HIP1: variants seen among roughly 807,000 people sequenced by gnomAD.
HIP1 encodes huntingtin interacting protein 1.
In HIP1, 65 loss-of-function variants were observed where a neutral mutation model predicts 147.6. The observed-to-expected ratio is 0.44, with a 90% CI of 0.36 to 0.54. HIP1 has a LOEUF of 0.54. Among genes scored for constraint, HIP1 ranks in the 20% least tolerant of loss-of-function variants. The pLI, the probability that HIP1 is intolerant of heterozygous loss-of-function variation, is 0.00. For synonymous variants in HIP1, 479 were observed against 504.0 expected (o/e 0.95, Z 0.67); for missense variants, 1,061 against 1,299.6 (o/e 0.82, Z 2.82).
chr7:75,600,473 C>T (rs1483128366), intron 1 of HIP1, among the ~76,000 whole-genome samples: 2 of 152,150 alleles, frequency 1.3e-5, no homozygotes, highest in Non-Finnish European at 2.9e-5. Context: ...TGCACAAACA[C>T]AGAAAAGGGA....
chr7:75,673,024 T>TA (rs1554515534), intron 1 of HIP1, among the ~76,000 whole-genome samples: 113 of 27,182 alleles, frequency 4.2e-3, no homozygotes, highest in African/African-American at 0.023. Context: ...GTCCACCAAC[T>TA]TTTTTTTTTT....
rs181956272 is a variant in HIP1, at chr7:75,729,525, C to T, written c.120+9276G>A. The stretch of plus-strand genomic sequence containing the variant: ...AAGCGGCCGGGCGCAATGGCTCACG[C>T]CTGTATTCCCAGTACTTTGGGAGGC... On this transcript the variant is annotated intron_variant, in intron 1 of 30. Coordinates refer to ENST00000336926, the MANE Select transcript of HIP1 (RefSeq NM_005338.7). 2.4e-4 allele frequency among the ~76,000 whole-genome samples: 36 copies of T among 151,998 alleles called. 1 individual carries two copies. In the East Asian group the frequency reaches 5.4e-3, roughly 23 times the overall value.
intron 1 of HIP1, among the ~76,000 whole-genome samples, chr7:75,608,312 A>G (rs1797304369): frequency 1.3e-5 from 2 of 152,138 alleles, no homozygotes; most frequent in Admixed American, 1.3e-4. Flanking sequence ...GTCTCAAAAG[A>G]AAACAAAAAA....
In HIP1 at chr7:75,566,872, A is replaced by T. The variant is rs141835273; in HGVS notation, c.803+1327T>A. Among the ~76,000 whole-genome samples, 331 of 151,392 alleles carry T rather than the reference A, an allele frequency of 2.2e-3. 5 individuals carry two copies. The East Asian group carries it at 0.034, about 16-fold the overall frequency. ...CACAGTGACTCGCGCCGGTAATCCC[A>T]TCACTTTGGGAGGCAGATCACTTGA... On this transcript the variant is annotated intron_variant, in intron 9 of 30. Transcript: ENST00000336926.
chr7:75,621,654 A>G lies in HIP1; in HGVS notation c.121-22407T>C, dbSNP rs149781279. Among the ~76,000 whole-genome samples the G allele has an allele frequency of 3.7e-3, 561 of 152,318 alleles. 3 individuals are homozygous for G. Among genetic ancestry groups the G allele is most frequent in the Middle Eastern group, 0.01 (3 of 294 alleles). On this transcript the variant is annotated intron_variant, in intron 1 of 30. Coordinates refer to ENST00000336926, the MANE Select transcript of HIP1 (RefSeq NM_005338.7). Reference sequence around the variant, plus strand: ...AGACTGCAGGGACCAGTGTGGCTGCAGGGACCACAGTGAAGACTCTGCTGC... The same window carrying G: ...AGACTGCAGGGACCAGTGTGGCTGCGGGGACCACAGTGAAGACTCTGCTGC...
At chr7:75,606,038 G>A (rs1445328948) in intron 1 of HIP1, among the ~76,000 whole-genome samples, 11 of 151,822 alleles carry the variant, frequency 7.2e-5, no homozygotes, top group Admixed American at 3.9e-4. Flanking sequence ...AAATAGAGAC[G>A]GGGTCTCATT....
At chr7:75,690,233 T>C (rs781926998) in intron 1 of HIP1, among the ~76,000 whole-genome samples, 1 of 151,686 alleles carries the variant, frequency 6.6e-6, no homozygotes, top group African/African-American at 2.4e-5. Context: ...GGGTGGTGAT[T>C]GCACCACTGC....
chr7:75,614,278 C>T (rs1489771011), intron 1 of HIP1, among the ~76,000 whole-genome samples: 6 of 152,276 alleles, frequency 3.9e-5, no homozygotes, highest in African/African-American at 4.8e-5. Flanking sequence ...TGGGCTCAAG[C>T]GCTTTGGCTG....
At chr7:75,679,231 G>T (rs150752745) in intron 1 of HIP1, among the ~76,000 whole-genome samples, 6 of 152,240 alleles carry the variant, frequency 3.9e-5, no homozygotes, top group Middle Eastern at 6.8e-3. Flanking sequence ...TTGAGATGAG[G>T]TCTCGCCGTA....
At chr7:75,649,118 G>A (rs1584918787) in intron 1 of HIP1, among the ~76,000 whole-genome samples, 3 of 152,014 alleles carry the variant, frequency 2.0e-5, no homozygotes, top group South Asian at 2.1e-4. Flanking sequence ...TCCGCCTCCC[G>A]GGTTCAAGCA....
intron 1 of HIP1, among the ~76,000 whole-genome samples, chr7:75,604,826 GTGGTCA>G (rs1449190888): frequency 1.3e-5 from 2 of 152,100 alleles, no homozygotes; most frequent in African/African-American, 4.8e-5. Flanking sequence ...GCTCAAACTT[GTGGTCA>G]TTATGAACCT....
Position 75,613,975 on chromosome 7 carries a change from T to G in HIP1, c.121-14728A>C, listed in dbSNP as rs1797537529. Among the ~76,000 whole-genome samples, 3 of 151,514 alleles carry G rather than the reference T, an allele frequency of 2.0e-5. No individual in the cohort carries two copies. The South Asian group carries it at 6.2e-4, about 31-fold the overall frequency. ...TGTTGCCCAGGCTGGAGTACAATGG[T>G]GCAAACATGGCTCACTACAACCTTA... On this transcript the variant is annotated intron_variant, in intron 1 of 30. Coordinates refer to ENST00000336926, the MANE Select transcript of HIP1 (RefSeq NM_005338.7).
chr7:75,628,475 CTTT>C (rs71098044), intron 1 of HIP1, among the ~76,000 whole-genome samples: 13,423 of 132,166 alleles, frequency 0.1, 652 homozygotes, highest in African/African-American at 0.2. Context: ...TCCTGTACCT[CTTT>C]TTTTTTTTTT....
chr7:75,725,909 T>A (rs1336398698), intron 1 of HIP1, among the ~76,000 whole-genome samples: 1 of 150,104 alleles, frequency 6.7e-6, no homozygotes, highest in Non-Finnish European at 1.5e-5. Context: ...TGCGTCTCCA[T>A]CTCCCGGATT....
At chr7:75,691,451 A>T (rs1554518146) in intron 1 of HIP1, among the ~76,000 whole-genome samples, 1 of 151,296 alleles carries the variant, frequency 6.6e-6, no homozygotes, top group African/African-American at 2.4e-5. Flanking sequence ...AGATCAAGCC[A>T]CTGCACTCCA....
intron 4 of HIP1, among the ~76,000 whole-genome samples, 170 bp from the exon 5 acceptor site, chr7:75,587,003 T>TGC: frequency 6.6e-6 from 1 of 152,128 alleles, no homozygotes. Context: ...TGCAGTGGCA[T>TGC]GATCTCGGCT....
intron 1 of HIP1, chr7:75,733,325 G>C (rs1554523280): frequency 2.0e-5 from 3 of 152,522 alleles, no homozygotes. Context: ...ACCACCGTGT[G>C]GTCCCAATGA....
intron 8 of HIP1, among the ~76,000 whole-genome samples, chr7:75,571,726 G>A (rs1795642490): frequency 6.6e-6 from 1 of 152,106 alleles, no homozygotes; most frequent in Non-Finnish European, 1.5e-5. Flanking sequence ...GGGACTACAG[G>A]CGCATGTCAC....
At chr7:75,657,774 A>G (rs751602549) in intron 1 of HIP1, among the ~76,000 whole-genome samples, 1 of 151,904 alleles carries the variant, frequency 6.6e-6, no homozygotes, top group Non-Finnish European at 1.5e-5. Flanking sequence ...AGGCTGAAAA[A>G]CTACCTATTA....
Sources: gnomAD v4.1 joint callset for allele counts (sites outside exome capture counted in the v4.1 genomes callset) on GRCh38, gnomAD v4.1.1 for gene constraint, MANE v1.5 for transcripts, NCBI Gene and HGNC (gene_info 2026-07-23, HGNC 2026-07-21) for gene names.